KCNV2: variants seen among roughly 807,000 people sequenced by gnomAD.
KCNV2 encodes the protein potassium voltage-gated channel subfamily V member 2.
In KCNV2, 65 loss-of-function variants were observed where a neutral mutation model predicts 37.0. That is an observed-to-expected ratio of 1.76 (90% CI 1.44 to 2.16). The LOEUF (loss-of-function observed/expected upper bound fraction) is 2.16, where lower values mean the gene tolerates loss of function less well. Among genes scored for constraint, KCNV2 ranks in the 30% most tolerant of loss-of-function variants. KCNV2 has a pLI of 0.00. For missense variants in KCNV2, 1,232 were observed against 766.7 expected (o/e 1.61, Z -7.17); for synonymous variants, 518 against 328.6 (o/e 1.58, Z -6.23).
At chr9:2,728,942 G>A (rs1428515946) in intron 1 of KCNV2, among the ~76,000 whole-genome samples, 4 of 151,422 alleles carry the variant, frequency 2.6e-5, no homozygotes, top group African/African-American at 9.7e-5. Flanking sequence ...TTTTGCCCCA[G>A]GTCACTCAAC....
intron 1 of KCNV2, among the ~76,000 whole-genome samples, chr9:2,723,822 C>A (rs1040851141): frequency 1.3e-5 from 2 of 152,206 alleles, no homozygotes; most frequent in Non-Finnish European, 2.9e-5. Context: ...CAGGCCCACG[C>A]CTAAAGCAGC....
At chr9:2,724,930 C>T (rs1434947744) in intron 1 of KCNV2, among the ~76,000 whole-genome samples, 1 of 152,216 alleles carries the variant, frequency 6.6e-6, no homozygotes. Context: ...TAGAGTTCTA[C>T]CTCCTTCAGA....
chr9:2,720,019 C>T (rs1309872132), intron 1 of KCNV2, among the ~76,000 whole-genome samples: 1 of 152,150 alleles, frequency 6.6e-6, no homozygotes, highest in East Asian at 1.9e-4. Context: ...ATGAATAAGT[C>T]GGCATATATG....
rs748514237 is a variant in KCNV2 at position 2,717,881 on chromosome 9, G to A, written c.142G>A (p.Glu48Lys). Residue 48 changes from glutamate (E) to lysine (K), a missense_variant, in exon 1 of 2, where the codon GAG (glutamate) becomes AAG (lysine). By Grantham distance (56) the Glu-to-Lys change is moderately conservative (BLOSUM62 1). Transcript: ENST00000382082. ...GSQASIHGWT[E>K]GNYNYYIEED... is the part of the protein sequence containing the mutation. ...CCAGGCCAGCATCCACGGCTGGACA[G>A]AGGGCAACTATAACTACTACATCGA... 2 of 1,614,222 alleles carry A rather than the reference G, an allele frequency of 1.2e-6. No individual in the cohort carries two copies. The highest frequency in any genetic ancestry group is 1.3e-5 in the African/African-American group (1 of 75,070).
chr9:2,725,697 CAGAA>C (rs770957351), intron 1 of KCNV2, among the ~76,000 whole-genome samples: 96 of 152,238 alleles, frequency 6.3e-4, no homozygotes, highest in African/African-American at 2.1e-3. Flanking sequence ...CTTTGGAAAA[CAGAA>C]AGAGTGTTAT....
intron 1 of KCNV2, among the ~76,000 whole-genome samples, chr9:2,727,263 A>G (rs1037039060): frequency 7.1e-6 from 1 of 140,212 alleles, no homozygotes; most frequent in Non-Finnish European, 1.5e-5. Flanking sequence ...GAAGGGGAAC[A>G]TCACACACCA....
In KCNV2 at chr9:2,729,833, C is replaced by T; in HGVS notation, c.*106C>T. On this transcript the variant is annotated 3_prime_UTR_variant, in exon 2 of 2. Transcript: ENST00000382082. ...CAAAAGGAAATGTGAAGCAGACATA[C>T]ACAAAGGCCATTTCGTTCACAAAGT... 8.3e-7 allele frequency: 1 copy of T among 1,209,998 alleles called. No individual in the cohort carries two copies. The highest frequency in any genetic ancestry group is 1.2e-6 in the Non-Finnish European group (1 of 823,114). 75.0% of individuals were successfully genotyped at this position (1,209,998 alleles called of 1,614,324 possible). A position where few individuals can be genotyped will look rare whatever the true frequency, so the allele number is the denominator to read the frequency against.
intron 1 of KCNV2, among the ~76,000 whole-genome samples, chr9:2,722,504 T>TAAATTAG (rs1554629068): frequency 7.4e-6 from 1 of 135,744 alleles, no homozygotes; most frequent in Non-Finnish European, 1.5e-5. Context: ...TATTTATAAA[T>TAAATTAG]AAGTTATTTA....
At chr9:2,720,284 A>G (rs1324278151) in intron 1 of KCNV2, among the ~76,000 whole-genome samples, 1 of 152,224 alleles carries the variant, frequency 6.6e-6, no homozygotes, top group Non-Finnish European at 1.5e-5. Flanking sequence ...ATAATTAACC[A>G]TGACCCTGAA....
rs766187569 is a variant in KCNV2 at position 2,718,262 on chromosome 9, G to A, written c.523G>A (p.Gly175Arg). 1.2e-5 allele frequency: 19 copies of A among 1,612,654 alleles called. No homozygotes were observed. The East Asian group carries it at 1.6e-4, about 13-fold the overall frequency. Residue 175 changes from glycine (G) to arginine (R), a missense_variant, in exon 1 of 2, where the codon GGG becomes AGG. Physicochemically the swap from Gly to Arg is moderately radical, Grantham distance 125 (BLOSUM62 -2). Transcript: ENST00000382082. ...GTCCGGGGTGCTGCTGGTGCTCGAC[G>A]GGCTGTGTCCGCGCCGCTTCCTGGA... ...YLSGVLLVLD[G>R]LCPRRFLEEL... is the part of the protein sequence containing the mutation.
rs976636702 is a variant in KCNV2 at position 2,717,975 on chromosome 9, G to A, written c.236G>A (p.Gly79Glu). 4 of 1,614,002 alleles carry A rather than the reference G, an allele frequency of 2.5e-6. No individual in the cohort carries two copies. The highest frequency in any genetic ancestry group is 1.3e-5 in the African/African-American group (1 of 74,908). ...DDLAEEDQQA[G>E]EVTTAKPEGP... ...CTGGCAGAAGAGGACCAGCAGGCAG[G>A]GGAGGTCACCACCGCCAAGCCCGAG... The change falls in exon 1 of 2, where the codon GGG becomes GAG. Residue 79 changes from glycine (G) to glutamate (E), a missense_variant. Coordinates refer to ENST00000382082, the MANE Select transcript of KCNV2 (RefSeq NM_133497.4).
chr9:2,721,475 G>A (rs1366335257), intron 1 of KCNV2, among the ~76,000 whole-genome samples: 1 of 152,156 alleles, frequency 6.6e-6, no homozygotes, highest in Non-Finnish European at 1.5e-5. Flanking sequence ...AGAACACATT[G>A]AATTGATGTG....
Position 2,717,657 on chromosome 9 carries a change from TC to T in KCNV2, c.-81del. 6 of 1,574,910 alleles carry T rather than the reference TC, an allele frequency of 3.8e-6. No individual in the cohort carries two copies. Among genetic ancestry groups the T allele is most frequent in the Non-Finnish European group, 5.2e-6 (6 of 1,146,668 alleles). On this transcript the variant is annotated 5_prime_UTR_variant, in exon 1 of 2. Transcript: ENST00000382082. ...CTCTAAGACAGTGCAGGCCACGTGA[TC>T]CATCCTCCTAGAGGCAGTGAGCAGG...
Position 2,718,180 on chromosome 9 carries a change from C to T in KCNV2, c.441C>T (p.Asp147=), listed in dbSNP as rs146659188. 4.3e-6 allele frequency: 7 copies of T among 1,613,288 alleles called. No homozygotes were observed. In the East Asian group the frequency reaches 1.3e-4, roughly 31 times the overall value. ...SLCDDYEEQT[D]EYFFDRDPAV... is the part of the protein sequence containing the mutation. ...GCGACGACTACGAGGAGCAGACAGA[C>T]GAATACTTCTTCGACCGCGACCCGG... Residue 147 remains aspartate, a synonymous_variant, in exon 1 of 2, where the codon GAC becomes GAT. Coordinates refer to ENST00000382082, the MANE Select transcript of KCNV2 (RefSeq NM_133497.4).
At chr9:2,727,522 A>T (rs1819988916) in intron 1 of KCNV2, among the ~76,000 whole-genome samples, 1 of 152,130 alleles carries the variant, frequency 6.6e-6, no homozygotes, top group African/African-American at 2.4e-5. Flanking sequence ...CTTGGTCCAG[A>T]AGTTGGGAGA....
chr9:2,724,687 T>C (rs553645774), intron 1 of KCNV2, among the ~76,000 whole-genome samples: 118 of 152,332 alleles, frequency 7.7e-4, no homozygotes, highest in South Asian at 1.2e-3. Context: ...ACCATAGCTA[T>C]TGGCTGCAAT....
Position 2,719,086 on chromosome 9 carries a change from G to A in KCNV2, c.1347G>A (p.Trp449Ter), listed in dbSNP as rs778977288. 4 of 1,609,532 alleles carry A rather than the reference G, an allele frequency of 2.5e-6. No homozygotes were observed. The highest frequency in any genetic ancestry group is 2.2e-5 in the East Asian group (1 of 44,834). ...TNFTTIPHSW[W>*]WAAVSISTVG... The stretch of plus-strand genomic sequence containing the variant: ...TCACTACCATCCCCCACTCCTGGTG[G>A]TGGGCCGCGGTGAGTACCTTTGCCC... The change falls in exon 1 of 2, where the codon TGG (tryptophan) becomes TGA (stop). Residue 449 changes from tryptophan to a stop codon, truncating the protein, a stop_gained. Coordinates refer to ENST00000382082, the MANE Select transcript of KCNV2 (RefSeq NM_133497.4). LOFTEE classifies it high-confidence loss of function.
Position 2,718,144 on chromosome 9 carries a change from G to A in KCNV2, c.405G>A (p.Gln135=), listed in dbSNP as rs754099727. The change falls in exon 1 of 2, where the codon CAG becomes CAA. Residue 135 remains glutamine (Q), a synonymous_variant. Coordinates refer to ENST00000382082, the MANE Select transcript of KCNV2 (RefSeq NM_133497.4). ...RLATSTSRSR[Q]LSLCDDYEEQ... ...CCACCTCCACCAGCCGCAGCCGCCA[G>A]CTAAGCCTGTGCGACGACTACGAGG... 2 of 1,610,760 alleles carry A rather than the reference G, an allele frequency of 1.2e-6. No individual in the cohort carries two copies. Among genetic ancestry groups the A allele is most frequent in the African/African-American group, 1.3e-5 (1 of 74,920 alleles).
At chr9:2,723,637 C>G (rs1344233513) in intron 1 of KCNV2, among the ~76,000 whole-genome samples, 1 of 152,254 alleles carries the variant, frequency 6.6e-6, no homozygotes, top group Non-Finnish European at 1.5e-5. Flanking sequence ...GCTACCATAA[C>G]TGACTAGTTG....
Sources: gnomAD v4.1 joint callset for allele counts (sites outside exome capture counted in the v4.1 genomes callset) on GRCh38, gnomAD v4.1.1 for gene constraint, MANE v1.5 for transcripts, NCBI Gene and HGNC (gene_info 2026-07-23, HGNC 2026-07-21) for gene names.